USP25: variants seen among roughly 807,000 people sequenced by gnomAD.
USP25 encodes the protein ubiquitin specific peptidase 25.
In USP25, 85 loss-of-function variants were observed where a neutral mutation model predicts 158.5. That is an observed-to-expected ratio of 0.54 (90% CI 0.45 to 0.64). The LOEUF (loss-of-function observed/expected upper bound fraction) is 0.64, where lower values mean the gene tolerates loss of function less well. USP25 is among the 30% of genes least tolerant of loss of function. The pLI, the probability that USP25 is intolerant of heterozygous loss-of-function variation, is 0.00. For synonymous variants in USP25, 464 were observed against 460.4 expected, an observed-to-expected ratio of 1.01 and a Z score of -0.10; for missense variants, 1,242 against 1,327.3, an observed-to-expected ratio of 0.94 and a Z score of 1.00.
Position 15,730,215 on chromosome 21 carries a change from TG to T in USP25, c.-178del. 3.3e-6 allele frequency: 2 copies of T among 613,498 alleles called. No homozygotes were observed. The highest frequency in any genetic ancestry group is 4.1e-6 in the Non-Finnish European group (2 of 491,662). The allele number at this position is 613,498 out of a possible 1,614,324, so 38.0% of individuals were successfully genotyped here. The stretch of plus-strand genomic sequence containing the variant: ...CCCTCACAGTCGGCGTTTCGCCGCC[TG>T]CCCGCGGTGCCCGCGCACGCCGGCC... On this transcript the variant is annotated 5_prime_UTR_variant, in exon 1 of 26. Coordinates refer to ENST00000400183, the MANE Select transcript of USP25 (RefSeq NM_001283041.3).
intron 19 of USP25, 36 bp downstream of exon 19, chr21:15,847,812 A>G (rs1568885307): frequency 7.1e-7 from 1 of 1,399,886 alleles, no homozygotes; most frequent in African/African-American, 1.4e-5. Context: ...TTGCTACTTA[A>G]CTTTTGCTAT....
At chr21:15,833,280 C>G in intron 16 of USP25, 68 bp from the exon 17 acceptor site, 6 of 1,396,064 alleles carry the variant, frequency 4.3e-6, no homozygotes, top group Non-Finnish European at 5.9e-6. Context: ...GAAATGCAGT[C>G]TATTTTGAGC....
chr21:15,828,399 G>A (rs1455940741), intron 14 of USP25, among the ~76,000 whole-genome samples: 1 of 152,174 alleles, frequency 6.6e-6, no homozygotes, highest in Non-Finnish European at 1.5e-5. Context: ...TGACACCTAA[G>A]TAGTGGCATT....
intron 20 of USP25, among the ~76,000 whole-genome samples, chr21:15,859,162 A>G (rs1729751265): frequency 6.7e-6 from 1 of 148,376 alleles, no homozygotes; most frequent in African/African-American, 2.4e-5. Flanking sequence ...ATAGCCTTTT[A>G]TAACCATTAA....
chr21:15,782,985 A>C (rs1487919708), intron 4 of USP25, among the ~76,000 whole-genome samples: 2 of 152,216 alleles, frequency 1.3e-5, no homozygotes, highest in Non-Finnish European at 2.9e-5. Flanking sequence ...TTGTAAGAGA[A>C]TACAACAATT....
intron 1 of USP25, among the ~76,000 whole-genome samples, chr21:15,739,377 T>G (rs746332467): frequency 5.3e-5 from 8 of 152,214 alleles, no homozygotes; most frequent in Non-Finnish European, 8.8e-5. Context: ...TATTGTAGTA[T>G]TTTCAGTCGT....
At chr21:15,769,861 T>G (rs919398897) in intron 3 of USP25, among the ~76,000 whole-genome samples, 1 of 152,160 alleles carries the variant, frequency 6.6e-6, no homozygotes, top group Middle Eastern at 3.2e-3. Context: ...GGTAGGTAAT[T>G]TTAACACAGA....
At chr21:15,754,102 T>TG (rs2033216829) in intron 1 of USP25, among the ~76,000 whole-genome samples, 2 of 152,372 alleles carry the variant, frequency 1.3e-5, no homozygotes, top group African/African-American at 4.8e-5. Context: ...AGGACAGTTT[T>TG]TCAAGGTTAC....
rs116658397 is a variant in USP25, at chr21:15,765,327, C to G, written c.124-670C>G. 1.2e-3 allele frequency among the ~76,000 whole-genome samples: 184 copies of G among 152,180 alleles called. 1 individual carries two copies. Among genetic ancestry groups the G allele is most frequent in the African/African-American group, 3.8e-3 (157 of 41,560 alleles). On this transcript the variant is annotated intron_variant, in intron 2 of 25. Coordinates refer to ENST00000400183, the MANE Select transcript of USP25 (RefSeq NM_001283041.3). ...CATTTTGCTGTTTTAAATTAAAATT[C>G]TTATTCTGGCATCTGCTTTCTTCTA...
rs1601063299 is a variant in USP25, at chr21:15,831,581, G to T, written c.1945G>T (p.Ala649Ser). The T allele has an allele frequency of 6.2e-7, 1 of 1,613,996 alleles. No homozygotes were observed. Among genetic ancestry groups the T allele is most frequent in the Non-Finnish European group, 8.5e-7 (1 of 1,179,924 alleles). ...DSFGGYRNAS[A>S]YCLMYINDKA... ...TTTTGGTGGTTATAGAAATGCCAGTGCATACTGTTTAATGTACATAAATGA... is the reference window on the plus strand; with the variant it reads ...TTTTGGTGGTTATAGAAATGCCAGTTCATACTGTTTAATGTACATAAATGA... The change falls in exon 16 of 26, where the codon GCA (alanine) becomes TCA (serine). Residue 649 changes from alanine (A) to serine (S), a missense_variant. Physicochemically the swap from Ala to Ser is moderately conservative, Grantham distance 99. Transcript: ENST00000400183.
chr21:15,749,655 G>A (rs2032835776), intron 1 of USP25, among the ~76,000 whole-genome samples: 1 of 152,138 alleles, frequency 6.6e-6, no homozygotes, highest in African/African-American at 2.4e-5. Flanking sequence ...TAGAGCCAGA[G>A]GTGCACAGAT....
intron 4 of USP25, among the ~76,000 whole-genome samples, chr21:15,781,516 C>G (rs996176368): frequency 4.6e-5 from 7 of 151,974 alleles, no homozygotes; most frequent in African/African-American, 1.7e-4. Flanking sequence ...CTATCATTTC[C>G]CTCACAAAAA....
rs1163239085 is a variant in USP25, at chr21:15,730,364, G to A, written c.-30G>A. 27 of 819,878 alleles carry A rather than the reference G, an allele frequency of 3.3e-5. No individual in the cohort carries two copies. The highest frequency in any genetic ancestry group is 2.1e-4 in the South Asian group (4 of 19,144). 50.8% of individuals were successfully genotyped at this position (819,878 alleles called of 1,614,324 possible). On this transcript the variant is annotated 5_prime_UTR_variant, in exon 1 of 26. Transcript: ENST00000400183. The stretch of plus-strand genomic sequence containing the variant: ...GAGGCGCGAGGAGCCGGGCGCCACC[G>A]CCGCCGCCGCCGCCGCCGCCGCGGG...
intron 1 of USP25, among the ~76,000 whole-genome samples, chr21:15,758,807 C>G (rs1340517257): frequency 1.4e-5 from 2 of 142,308 alleles, no homozygotes; most frequent in African/African-American, 5.9e-5. Flanking sequence ...ACAAAACCAT[C>G]AGATCTCATA....
chr21:15,806,500 G>A (rs915595148), intron 7 of USP25, among the ~76,000 whole-genome samples: 2 of 151,514 alleles, frequency 1.3e-5, no homozygotes, highest in Middle Eastern at 3.2e-3. Context: ...TAAAGATGAG[G>A]CAGCATAGAC....
chr21:15,853,117 T>C (rs1243019687), intron 20 of USP25, among the ~76,000 whole-genome samples: 2 of 152,236 alleles, frequency 1.3e-5, no homozygotes, highest in Admixed American at 6.5e-5. Flanking sequence ...TCTTGTTTTT[T>C]TCTTTTTGTT....
At chr21:15,874,315 A>T in intron 23 of USP25, 88 bp from the exon 24 acceptor site, 1 of 1,202,020 alleles carries the variant, frequency 8.3e-7, no homozygotes, top group Non-Finnish European at 1.2e-6. Context: ...AAACTTAAGC[A>T]TATACTTAAA....
intron 21 of USP25, among the ~76,000 whole-genome samples, chr21:15,865,513 G>A (rs546539246): frequency 5.3e-5 from 8 of 152,112 alleles, no homozygotes; most frequent in Admixed American, 2.6e-4. Context: ...GTGAATGTTG[G>A]CCACTACTGT....
At chr21:15,836,223 A>G (rs1011963976) in intron 17 of USP25, among the ~76,000 whole-genome samples, 4 of 152,212 alleles carry the variant, frequency 2.6e-5, no homozygotes, top group Non-Finnish European at 5.9e-5. Flanking sequence ...AAGCTGAAAC[A>G]TAAGACCTCA....
Sources: allele counts gnomAD v4.1 joint callset (sites outside exome capture counted in the v4.1 genomes callset), GRCh38; gene constraint gnomAD v4.1.1; transcripts MANE v1.5; gene names NCBI Gene and HGNC (gene_info 2026-07-23, HGNC 2026-07-21).